The following AADAT variants were observed in gnomAD, a reference collection of about 807,000 sequenced individuals.
The protein encoded by AADAT is kynurenine/alpha-aminoadipate aminotransferase, mitochondrial.
In AADAT, 25 loss-of-function variants were observed where a neutral mutation model predicts 56.2. The observed-to-expected ratio is 0.44, with a 90% CI of 0.32 to 0.62. AADAT has a LOEUF of 0.62. Ranked by LOEUF, AADAT falls within the 20% of genes least tolerant of loss-of-function variation. AADAT has a pLI of 0.04. For synonymous variants in AADAT, 173 were observed against 164.7 expected, an observed-to-expected ratio of 1.05 and a Z score of -0.39; for missense variants, 387 against 510.5, an observed-to-expected ratio of 0.76 and a Z score of 2.33.
chr4:170,072,266 T>C (rs566533894), intron 5 of AADAT, among the ~76,000 whole-genome samples: 1 of 150,592 alleles, frequency 6.6e-6, no homozygotes, highest in Admixed American at 6.6e-5. Flanking sequence ...TACATGTATA[T>C]ATATGTGTGT....
chr4:170,069,532 A>C (rs1054160901), intron 6 of AADAT, among the ~76,000 whole-genome samples: 4 of 152,172 alleles, frequency 2.6e-5, no homozygotes, highest in African/African-American at 7.2e-5. Context: ...CCAGAGGTTG[A>C]AATCCAGGAT....
rs1299014853 is a variant in AADAT at position 170,060,889 on chromosome 4, A to C, written c.*39T>G. 5.3e-6 allele frequency: 8 copies of C among 1,507,524 alleles called. No homozygotes were observed. The Middle Eastern group carries it at 6.1e-4, about 115-fold the overall frequency. 93.4% of individuals were successfully genotyped at this position (1,507,524 alleles called of 1,614,324 possible). On this transcript the variant is annotated 3_prime_UTR_variant, in exon 13 of 13. Coordinates refer to ENST00000337664, the MANE Select transcript of AADAT (RefSeq NM_016228.4). ...CTCTGCCTCCCAAAGTGCTGGGATTATAGGTGTGAGCCACCATGCCCAACC... is the reference window on the plus strand; with the variant it reads ...CTCTGCCTCCCAAAGTGCTGGGATTCTAGGTGTGAGCCACCATGCCCAACC...
chr4:170,064,824 A>G lies in AADAT; in HGVS notation c.1029T>C (p.Gly343=), dbSNP rs777367907. 8 of 1,607,196 alleles carry G rather than the reference A, an allele frequency of 5.0e-6. No individual in the cohort carries two copies. Among genetic ancestry groups the G allele is most frequent in the Non-Finnish European group, 6.8e-6 (8 of 1,178,458 alleles). Residue 343 remains glycine, a splice_region_variant and synonymous_variant, in exon 11 of 13, where the codon GGT becomes GGC. Coordinates refer to ENST00000337664, the MANE Select transcript of AADAT (RefSeq NM_016228.4). ...CAGCAGGAACATGCCATTCTGCCAA[A>G]CCTACAAACAAAAGAAGAGAATAAA... The part of the protein sequence containing the change: ...ILAAADKWLT[G]LAEWHVPAAG...
At chr4:170,082,377 AT>A (rs34599867) in intron 3 of AADAT, among the ~76,000 whole-genome samples, 5,060 of 150,428 alleles carry the variant, frequency 0.034, 282 homozygotes, top group African/African-American at 0.11. Context: ...TTGTTATAAG[AT>A]TTTTTTTTTG....
chr4:170,078,362 T>C, intron 4 of AADAT, 147 bp downstream of exon 4: 1 of 472,478 alleles, frequency 2.1e-6, no homozygotes. Flanking sequence ...ATGGATAAAA[T>C]ATGCTATTTC....
Position 170,073,156 on chromosome 4 carries a change from G to T in AADAT, c.634C>A (p.Arg212Ser). ...NPTGNSLTSE[R>S]KKEIYELARK... The stretch of plus-strand genomic sequence containing the variant: ...AATACCTCATAGATTTCCTTTTTGC[G>T]TTCACTGGTTAATGAGTTTCCAGTA... The change falls in exon 5 of 13, where the codon CGC becomes AGC. Residue 212 changes from arginine to serine, a missense_variant. Transcript: ENST00000337664. 6.2e-7 allele frequency: 1 copy of T among 1,613,530 alleles called. No homozygotes were observed. The highest frequency in any genetic ancestry group is 8.5e-7 in the Non-Finnish European group (1 of 1,179,850).
At chr4:170,068,485 A>C in intron 8 of AADAT, 106 bp downstream of exon 8, 1 of 752,970 alleles carries the variant, frequency 1.3e-6, no homozygotes, top group Non-Finnish European at 2.1e-6. Flanking sequence ...AAGGCAAACT[A>C]TGAGTCACTA....
chr4:170,077,856 C>T (rs1381803215), intron 4 of AADAT, among the ~76,000 whole-genome samples: 2 of 152,156 alleles, frequency 1.3e-5, no homozygotes, highest in East Asian at 3.9e-4. Context: ...TCTTTTCTTT[C>T]TGGGGAAAAT....
At chr4:170,092,149 T>C (rs1024481998), upstream of AADAT, among the ~76,000 whole-genome samples, 1 of 152,232 alleles carries the variant, frequency 6.6e-6, no homozygotes, top group African/African-American at 2.4e-5. Context: ...AAAAGCAGGC[T>C]GCCTCAGCCA....
At chr4:170,072,624 C>A (rs932936943) in intron 5 of AADAT, among the ~76,000 whole-genome samples, 8 of 152,078 alleles carry the variant, frequency 5.3e-5, no homozygotes, top group African/African-American at 1.9e-4. Flanking sequence ...CCAAAAAGCA[C>A]ATTTCTCTTA....
chr4:170,093,301 A>G (rs1203904909), upstream of AADAT, among the ~76,000 whole-genome samples: 5 of 152,190 alleles, frequency 3.3e-5, no homozygotes, highest in East Asian at 9.7e-4. Flanking sequence ...TTGGTGGCAG[A>G]TGCCTGTAAT....
In AADAT at chr4:170,089,867, C is replaced by T; in HGVS notation, c.-177G>A. 3.2e-6 allele frequency: 2 copies of T among 630,458 alleles called. No homozygotes were observed. The highest frequency in any genetic ancestry group is 3.7e-5 in the South Asian group (2 of 54,316). The allele number at this position is 630,458 out of a possible 1,614,324, so 39.1% of individuals were successfully genotyped here. On this transcript the variant is annotated 5_prime_UTR_variant, in exon 1 of 13. Coordinates refer to ENST00000337664, the MANE Select transcript of AADAT (RefSeq NM_016228.4). ...TGCCCGGAGAACGCCGCCGAAACTC[C>T]CCGGCTGGACGCTGCGTTCGGTCTC...
rs367956026 is a variant in AADAT at position 170,065,599 on chromosome 4, C to G, written c.1028-774G>C. Among the ~76,000 whole-genome samples, 39 of 151,826 alleles carry G rather than the reference C, an allele frequency of 2.6e-4. No individual in the cohort carries two copies. In the East Asian group the frequency reaches 3.7e-3, roughly 14 times the overall value. ...CACTGCCACCTCTGCCTTCCAGGTT[C>G]AAGTGATTCTCCTGCCTTAGCCTCC... On this transcript the variant is annotated intron_variant, in intron 10 of 12. Coordinates refer to ENST00000337664, the MANE Select transcript of AADAT (RefSeq NM_016228.4).
Position 170,084,024 on chromosome 4 carries a change from T to C in AADAT, c.369+3092A>G, listed in dbSNP as rs115320641. Among the ~76,000 whole-genome samples the C allele has an allele frequency of 3.4e-3, 516 of 152,298 alleles. 1 individual carries two copies. Among genetic ancestry groups the C allele is most frequent in the Non-Finnish European group, 5.2e-3 (351 of 68,006 alleles). On this transcript the variant is annotated intron_variant, in intron 3 of 12. Coordinates refer to ENST00000337664, the MANE Select transcript of AADAT (RefSeq NM_016228.4). ...TGATGAATGGATAAGGAAAATGTGGTATACACACAATGGAATATTATTCAA... is the reference window on the plus strand; with the variant it reads ...TGATGAATGGATAAGGAAAATGTGGCATACACACAATGGAATATTATTCAA...
intron 11 of AADAT, among the ~76,000 whole-genome samples, chr4:170,063,768 A>C (rs1731310290): frequency 6.6e-6 from 1 of 152,212 alleles, no homozygotes; most frequent in African/African-American, 2.4e-5. Context: ...ATTCAAGACA[A>C]AAGTGAATCT....
intron 11 of AADAT, among the ~76,000 whole-genome samples, chr4:170,062,269 T>A (rs537676004): frequency 6.6e-6 from 1 of 152,320 alleles, no homozygotes; most frequent in East Asian, 1.9e-4. Context: ...CACTCAAATT[T>A]CAGCTTTAAT....
chr4:170,091,042 G>A (rs1306990896), upstream of AADAT, among the ~76,000 whole-genome samples: 1 of 152,222 alleles, frequency 6.6e-6, no homozygotes, highest in African/African-American at 2.4e-5. Context: ...TAACAAAAAG[G>A]AAGTATTGAG....
At chr4:170,089,388 C>G in intron 1 of AADAT, 1 of 598,190 alleles carries the variant, frequency 1.7e-6, no homozygotes, top group Non-Finnish European at 3.0e-6. Flanking sequence ...CTGCGCCTCT[C>G]TCTACTGTTG....
At chr4:170,066,932 CTATT>C (rs1416847542) in intron 9 of AADAT, among the ~76,000 whole-genome samples, 5 of 152,204 alleles carry the variant, frequency 3.3e-5, no homozygotes, top group Non-Finnish European at 7.3e-5. Context: ...AATATACAGA[CTATT>C]TAGGGAAATT....
Sources: gnomAD v4.1 joint callset for allele counts (sites outside exome capture counted in the v4.1 genomes callset) on GRCh38, gnomAD v4.1.1 for gene constraint, MANE v1.5 for transcripts, NCBI Gene and HGNC (gene_info 2026-07-23, HGNC 2026-07-21) for gene names.